Variants in TRAPPC9 observed in about 807,000 individuals in gnomAD.
The protein encoded by TRAPPC9 is IKK2 binding protein.
A neutral mutation model predicts 124.0 loss-of-function variants in TRAPPC9; 83 were observed. The ratio of observed to expected loss-of-function variants is 0.67; its 90% confidence interval spans 0.56 to 0.80. TRAPPC9 has a LOEUF of 0.80. TRAPPC9 is among the 30% of genes least tolerant of loss of function. The pLI is 0.00. For missense variants in TRAPPC9, 1,302 were observed against 1,508.3 expected (o/e 0.86, Z 2.27); for synonymous variants, 638 against 617.5 (o/e 1.03, Z -0.49).
At chr8:140,448,695 G>A (rs2071352465) in intron 2 of TRAPPC9, among the ~76,000 whole-genome samples, 1 of 152,246 alleles carries the variant, frequency 6.6e-6, no homozygotes. Context: ...TGGCCGCCAA[G>A]CTGTGCACAC....
intron 19 of TRAPPC9, among the ~76,000 whole-genome samples, chr8:139,921,506 G>C (rs900587630): frequency 6.6e-5 from 10 of 152,192 alleles, no homozygotes; most frequent in African/African-American, 2.2e-4. Context: ...TAGCATGTTA[G>C]AGGAGTATGC....
intron 8 of TRAPPC9, among the ~76,000 whole-genome samples, chr8:140,365,504 C>G (rs1289011492): frequency 6.6e-6 from 1 of 152,242 alleles, no homozygotes; most frequent in Non-Finnish European, 1.5e-5. Flanking sequence ...GCAAACACAG[C>G]CTGCAGGCAC....
intron 3 of TRAPPC9, among the ~76,000 whole-genome samples, chr8:140,437,395 C>G (rs886079238): frequency 1.3e-5 from 2 of 152,144 alleles, no homozygotes; most frequent in African/African-American, 4.8e-5. Context: ...GAGGCCAAGG[C>G]AGGCATATCA....
intron 21 of TRAPPC9, among the ~76,000 whole-genome samples, chr8:139,818,329 G>A (rs1260206676): frequency 6.6e-6 from 1 of 152,144 alleles, no homozygotes; most frequent in Non-Finnish European, 1.5e-5. Flanking sequence ...TAATCCCAGT[G>A]CTTTGGGAGG....
At chr8:140,396,138 CTTTTT>C (rs59266343) in intron 7 of TRAPPC9, among the ~76,000 whole-genome samples, 1 of 83,356 alleles carries the variant, frequency 1.2e-5, no homozygotes, top group Non-Finnish European at 2.1e-5. Flanking sequence ...AAGACCTTGC[CTTTTT>C]TTTTTTTTTT....
intron 8 of TRAPPC9, among the ~76,000 whole-genome samples, chr8:140,369,165 C>T (rs2068207647): frequency 1.3e-5 from 2 of 152,182 alleles, no homozygotes; most frequent in Non-Finnish European, 2.9e-5. Flanking sequence ...TCCTGAGAAT[C>T]GGATTTGAGG....
intron 15 of TRAPPC9, among the ~76,000 whole-genome samples, chr8:140,272,580 G>C (rs117827109): frequency 2.4e-3 from 370 of 151,962 alleles, no homozygotes; most frequent in Non-Finnish European, 4.0e-3. Context: ...CCTGAGGCTG[G>C]CTAATTTACA....
chr8:139,892,935 C>T (rs1455109667), intron 20 of TRAPPC9, among the ~76,000 whole-genome samples: 3 of 152,228 alleles, frequency 2.0e-5, no homozygotes, highest in Middle Eastern at 3.2e-3. Context: ...GCAGTGTTCA[C>T]AGCCTCAGTC....
intron 21 of TRAPPC9, among the ~76,000 whole-genome samples, chr8:139,802,971 G>C (rs929496195): frequency 6.6e-6 from 1 of 151,826 alleles, no homozygotes; most frequent in Non-Finnish European, 1.5e-5. Context: ...TGTTGTGTGA[G>C]TGCATTGTGT....
At chr8:140,275,088 T>C (rs1200237197) in intron 15 of TRAPPC9, among the ~76,000 whole-genome samples, 1 of 152,182 alleles carries the variant, frequency 6.6e-6, no homozygotes, top group Non-Finnish European at 1.5e-5. Context: ...ACACCAGGTG[T>C]CCTGCCAAAC....
chr8:139,866,389 G>T (rs1425669875), intron 21 of TRAPPC9, among the ~76,000 whole-genome samples: 1 of 152,198 alleles, frequency 6.6e-6, no homozygotes, highest in African/African-American at 2.4e-5. Context: ...CACCCCGTGT[G>T]AGATACCAGA....
chr8:139,736,659 A>G (rs1003708063), intron 21 of TRAPPC9, among the ~76,000 whole-genome samples: 2 of 152,106 alleles, frequency 1.3e-5, no homozygotes, highest in African/African-American at 4.8e-5. Flanking sequence ...AATGTGGTGG[A>G]AACGGGTCTA....
intron 17 of TRAPPC9, among the ~76,000 whole-genome samples, chr8:140,177,253 G>A (rs902079937): frequency 1.3e-5 from 2 of 152,082 alleles, no homozygotes; most frequent in Admixed American, 1.3e-4. Flanking sequence ...TTTTCTTCTA[G>A]AAACTTTACT....
intron 17 of TRAPPC9, among the ~76,000 whole-genome samples, chr8:140,042,205 ATG>A (rs57584807): frequency 0.067 from 10,011 of 149,420 alleles, 361 homozygotes; most frequent in Middle Eastern, 0.12. Flanking sequence ...AAAAAAGTGT[ATG>A]TGTGTGTGTG....
At chr8:139,918,683 A>G (rs1832307926) in intron 19 of TRAPPC9, among the ~76,000 whole-genome samples, 1 of 152,264 alleles carries the variant, frequency 6.6e-6, no homozygotes, top group Non-Finnish European at 1.5e-5. Context: ...TGCTGTGGGA[A>G]GCACAGCCCC....
In TRAPPC9 at chr8:140,112,604, A is replaced by C. The variant is rs536595537; in HGVS notation, c.2557-88525T>G. Among the ~76,000 whole-genome samples, 4 of 152,262 alleles carry C rather than the reference A, an allele frequency of 2.6e-5. No homozygotes were observed. The South Asian group carries it at 8.3e-4, about 32-fold the overall frequency. ...TTTCATCCTCTCAAGAGATCTATGAACTGTCCCCATCTTTACAGAAGAAAC... is the reference window on the plus strand; with the variant it reads ...TTTCATCCTCTCAAGAGATCTATGACCTGTCCCCATCTTTACAGAAGAAAC... On this transcript the variant is annotated intron_variant, in intron 17 of 22. Transcript: ENST00000438773.
chr8:139,774,373 G>A (rs904092550), intron 21 of TRAPPC9, among the ~76,000 whole-genome samples: 1 of 152,144 alleles, frequency 6.6e-6, no homozygotes, highest in Non-Finnish European at 1.5e-5. Flanking sequence ...GCCTCAGGAA[G>A]GGCTGGGTGT....
intron 18 of TRAPPC9, among the ~76,000 whole-genome samples, chr8:140,012,577 G>T (rs1341451183): frequency 2.0e-5 from 3 of 152,198 alleles, no homozygotes; most frequent in Admixed American, 1.3e-4. Context: ...GGCAGAGCTG[G>T]GATTCCAACA....
At chr8:139,912,052 C>T (rs1476742166) in intron 19 of TRAPPC9, among the ~76,000 whole-genome samples, 1 of 152,132 alleles carries the variant, frequency 6.6e-6, no homozygotes, top group Non-Finnish European at 1.5e-5. Flanking sequence ...ATCACTTTTA[C>T]TATTATTTTC....
Sources: allele counts gnomAD v4.1 joint callset (sites outside exome capture counted in the v4.1 genomes callset), GRCh38; gene constraint gnomAD v4.1.1; transcripts MANE v1.5; gene names NCBI Gene and HGNC (gene_info 2026-07-23, HGNC 2026-07-21).